SLC25A21: variants seen among roughly 807,000 people sequenced by gnomAD.
The protein encoded by SLC25A21 is mitochondrial 2-oxodicarboxylate carrier.
Under a neutral mutation model 43.8 loss-of-function variants are expected in SLC25A21, and 47 were observed. The observed-to-expected ratio is 1.07, with a 90% CI of 0.85 to 1.37. The LOEUF (loss-of-function observed/expected upper bound fraction) is 1.37. SLC25A21 is among the 40% of genes most tolerant of loss of function. SLC25A21 has a pLI of 0.00. For missense variants in SLC25A21, 352 were observed against 350.2 expected, an observed-to-expected ratio of 1.00 and a Z score of -0.04; for synonymous variants, 131 against 121.3, an observed-to-expected ratio of 1.08 and a Z score of -0.52.
intron 1 of SLC25A21, among the ~76,000 whole-genome samples, chr14:36,959,685 T>C (rs1959440054): frequency 6.6e-6 from 1 of 152,168 alleles, no homozygotes; most frequent in Non-Finnish European, 1.5e-5. Context: ...ATTTCCTGAA[T>C]CTAGATTCCA....
At chr14:36,959,093 C>T (rs1273021483) in intron 1 of SLC25A21, among the ~76,000 whole-genome samples, 1 of 152,268 alleles carries the variant, frequency 6.6e-6, no homozygotes, top group East Asian at 1.9e-4. Flanking sequence ...TGGAGGAGTA[C>T]ACAGTATGTG....
intron 1 of SLC25A21, among the ~76,000 whole-genome samples, chr14:37,008,365 T>C (rs1960655727): frequency 6.6e-6 from 1 of 152,162 alleles, no homozygotes; most frequent in Non-Finnish European, 1.5e-5. Context: ...CAGATTTGTA[T>C]GAAAAATGTA....
rs376965766 is a variant in SLC25A21, at chr14:36,680,720, C to G, written c.839-1G>C. The G allele has an allele frequency of 1.9e-6, 3 of 1,611,580 alleles. No individual in the cohort carries two copies. In the African/African-American group the frequency reaches 4.0e-5, roughly 22 times the overall value. The stretch of plus-strand genomic sequence containing the variant: ...TAAACCAGCAGCATCACTGCACCAC[C>G]TAGAAAAGAAAAGAGCTGTTTTTTA... On this transcript the variant is annotated splice_acceptor_variant, in intron 9 of 9. Coordinates refer to ENST00000331299, the MANE Select transcript of SLC25A21 (RefSeq NM_030631.4). LOFTEE classifies it high-confidence loss of function.
chr14:36,865,077 G>T, intron 2 of SLC25A21, among the ~76,000 whole-genome samples: 1 of 146,132 alleles, frequency 6.8e-6, no homozygotes. Context: ...ACTTCATTCC[G>T]TGTTTCCACC....
intron 1 of SLC25A21, among the ~76,000 whole-genome samples, chr14:37,115,921 C>T (rs1963098057): frequency 6.6e-6 from 1 of 152,124 alleles, no homozygotes. Context: ...TTAAACGTTT[C>T]TTCTACTTAA....
At chr14:36,875,783 G>A (rs1030443226) in intron 1 of SLC25A21, among the ~76,000 whole-genome samples, 1 of 152,058 alleles carries the variant, frequency 6.6e-6, no homozygotes, top group African/African-American at 2.4e-5. Flanking sequence ...CAAATAAATT[G>A]TAACACTCTC....
chr14:37,075,473 A>C (rs577988373), intron 1 of SLC25A21, among the ~76,000 whole-genome samples: 1 of 152,310 alleles, frequency 6.6e-6, no homozygotes, highest in Admixed American at 6.5e-5. Flanking sequence ...TAAAAATAGA[A>C]ACTTCCATTT....
At chr14:36,808,650 G>A (rs1273964754) in intron 3 of SLC25A21, among the ~76,000 whole-genome samples, 1 of 152,108 alleles carries the variant, frequency 6.6e-6, no homozygotes, top group Non-Finnish European at 1.5e-5. Flanking sequence ...ATACCTGCGT[G>A]GCTTTGGGTA....
chr14:37,030,120 C>T (rs2057271), intron 1 of SLC25A21, among the ~76,000 whole-genome samples: 70,723 of 151,842 alleles, frequency 0.47, 19,311 homozygotes, highest in African/African-American at 0.78. Flanking sequence ...TTGACTAACA[C>T]TTTGTATATG....
chr14:37,168,497 T>G (rs2138959352), intron 1 of SLC25A21, among the ~76,000 whole-genome samples: 1 of 152,176 alleles, frequency 6.6e-6, no homozygotes, highest in African/African-American at 2.4e-5. Context: ...GTGTATCTAG[T>G]TTCTCTGGAA....
chr14:37,093,445 G>A (rs897556657), intron 1 of SLC25A21, among the ~76,000 whole-genome samples: 12 of 152,162 alleles, frequency 7.9e-5, no homozygotes, highest in East Asian at 5.8e-4. Context: ...TAAAGTTTCC[G>A]CCTAGTCTTT....
Position 36,698,164 on chromosome 14 carries a change from C to G in SLC25A21, c.603+13154G>C, listed in dbSNP as rs188388745. 5.5e-4 allele frequency among the ~76,000 whole-genome samples: 84 copies of G among 152,260 alleles called. 2 individuals carry two copies. The highest frequency in any genetic ancestry group is 5.4e-3 in the Admixed American group (83 of 15,292). Reference sequence around the variant, plus strand: ...TCTGTAAAGTATTTTATTTCTCCTTCAGTTATGAAGCTTAGTTTGGCTGGA... The same window carrying G: ...TCTGTAAAGTATTTTATTTCTCCTTGAGTTATGAAGCTTAGTTTGGCTGGA... On this transcript the variant is annotated intron_variant, in intron 7 of 9. Coordinates refer to ENST00000331299, the MANE Select transcript of SLC25A21 (RefSeq NM_030631.4).
intron 1 of SLC25A21, among the ~76,000 whole-genome samples, chr14:37,074,233 A>G (rs1962232828): frequency 6.6e-6 from 1 of 151,930 alleles, no homozygotes; most frequent in Non-Finnish European, 1.5e-5. Context: ...CTCTGTTTTT[A>G]TACAATAGTT....
At chr14:37,010,693 G>T (rs1447223241) in intron 1 of SLC25A21, among the ~76,000 whole-genome samples, 2 of 152,042 alleles carry the variant, frequency 1.3e-5, no homozygotes, top group Non-Finnish European at 2.9e-5. Flanking sequence ...ATGTTTAAAT[G>T]TATATTTAAC....
At chr14:36,962,329 CAA>C (rs1283407698) in intron 1 of SLC25A21, among the ~76,000 whole-genome samples, 1 of 152,088 alleles carries the variant, frequency 6.6e-6, no homozygotes, top group African/African-American at 2.4e-5. Context: ...TTGTGTGAGA[CAA>C]GAGCACCTAC....
chr14:36,692,031 C>T (rs1273377760), intron 7 of SLC25A21, among the ~76,000 whole-genome samples: 2 of 152,176 alleles, frequency 1.3e-5, no homozygotes, highest in Non-Finnish European at 2.9e-5. Flanking sequence ...AATGAGAAAA[C>T]TGAGACAGAG....
chr14:36,832,281 T>C (rs772451166), intron 2 of SLC25A21, among the ~76,000 whole-genome samples: 61 of 152,114 alleles, frequency 4.0e-4, no homozygotes, highest in Non-Finnish European at 8.1e-4. Flanking sequence ...ATCTTCATTA[T>C]AATGAGTTAT....
intron 3 of SLC25A21, among the ~76,000 whole-genome samples, chr14:36,805,909 A>G (rs1888023177): frequency 6.6e-6 from 1 of 152,104 alleles, no homozygotes; most frequent in Non-Finnish European, 1.5e-5. Flanking sequence ...TGAGAAGGGG[A>G]GAACGGTTAG....
At chr14:36,819,258 A>G (rs1293138702) in intron 2 of SLC25A21, among the ~76,000 whole-genome samples, 3 of 152,190 alleles carry the variant, frequency 2.0e-5, no homozygotes, top group African/African-American at 7.2e-5. Context: ...AGGCCCTGTC[A>G]TTCACCAGCC....
Sources: gnomAD v4.1 joint callset for allele counts (sites outside exome capture counted in the v4.1 genomes callset) on GRCh38, gnomAD v4.1.1 for gene constraint, MANE v1.5 for transcripts, NCBI Gene and HGNC (gene_info 2026-07-23, HGNC 2026-07-21) for gene names.